Variants in AARD observed in about 807,000 individuals in gnomAD.
AARD encodes the protein alanine- and arginine-rich domain-containing protein.
Under a neutral mutation model 9.3 loss-of-function variants are expected in AARD, and 9 were observed. The observed-to-expected ratio is 0.97, with a 90% CI of 0.58 to 1.69. AARD has a LOEUF of 1.69. Among genes scored for constraint, AARD ranks in the 40% most tolerant of loss-of-function variants. The pLI is 0.00. For missense variants in AARD, 236 were observed against 210.3 expected (o/e 1.12, Z -0.76); for synonymous variants, 91 against 93.8 (o/e 0.97, Z 0.17).
Position 116,942,638 on chromosome 8 carries a change from G to C in AARD, c.405G>C (p.Glu135Asp). The C allele has an allele frequency of 1.9e-6, 3 of 1,613,984 alleles. No individual in the cohort carries two copies. Among genetic ancestry groups the C allele is most frequent in the Non-Finnish European group, 2.5e-6 (3 of 1,179,988 alleles). ...TGAAAGTGCAGCAATTGAAAAAGGA[G>C]TATGAACTGGAAATTACATCAGACT... is the stretch of plus-strand genomic sequence containing the variant. ...LNMKVQQLKK[E>D]YELEITSDSQ... The change falls in exon 2 of 2, where the codon GAG becomes GAC. Residue 135 changes from glutamate to aspartate, a missense_variant. Transcript: ENST00000378279.
chr8:116,938,505 G>A lies in AARD; in HGVS notation c.262G>A (p.Ala88Thr). 1 of 1,528,804 alleles carries A rather than the reference G, an allele frequency of 6.5e-7. No individual in the cohort carries two copies. Among genetic ancestry groups the A allele is most frequent in the Non-Finnish European group, 8.7e-7 (1 of 1,143,524 alleles). The allele number at this position is 1,528,804 out of a possible 1,614,324, so 94.7% of individuals were successfully genotyped here. Reference sequence around the variant, plus strand: ...GCAGGAGGCGGCGGCGGCGGCGGCGGCGCGGGAGGAGCAGAGCTGGACGGG... The same window carrying A: ...GCAGGAGGCGGCGGCGGCGGCGGCGACGCGGGAGGAGCAGAGCTGGACGGG... ...RVQEAAAAAA[A>T]REEQSWTGVE... Residue 88 changes from alanine (A) to threonine (T), a missense_variant, in exon 1 of 2, where the codon GCG (alanine) becomes ACG (threonine). Coordinates refer to ENST00000378279, the MANE Select transcript of AARD (RefSeq NM_001025357.3).
chr8:116,941,348 A>C (rs1813742921), intron 1 of AARD, among the ~76,000 whole-genome samples: 1 of 152,142 alleles, frequency 6.6e-6, no homozygotes. Flanking sequence ...GGACAGAAAG[A>C]GGTGAGCTTC....
intron 1 of AARD, 99 bp downstream of exon 1, chr8:116,938,666 T>TG (rs948631320): frequency 5.9e-6 from 8 of 1,364,074 alleles, no homozygotes; most frequent in East Asian, 6.0e-5. Flanking sequence ...CCCGACGCCT[T>TG]GGGGGGCCCC....
At chr8:116,940,604 G>A (rs1813734311) in intron 1 of AARD, among the ~76,000 whole-genome samples, 2 of 152,106 alleles carry the variant, frequency 1.3e-5, no homozygotes, top group Admixed American at 1.3e-4. Flanking sequence ...GATTTTTACA[G>A]GAACTGACAT....
chr8:116,938,674 C>A (rs995986299), intron 1 of AARD, 107 bp downstream of exon 1: 3 of 1,350,724 alleles, frequency 2.2e-6, no homozygotes, highest in Admixed American at 3.8e-5. Flanking sequence ...CTTGGGGGGC[C>A]CCTCAGGTCT....
chr8:116,944,149 A>G lies in AARD; in HGVS notation c.*1448A>G, dbSNP rs1254500228. The G allele has an allele frequency of 6.6e-6, 1 of 152,220 alleles. No individual in the cohort carries two copies. Among genetic ancestry groups the G allele is most frequent in the African/African-American group, 2.4e-5 (1 of 41,464 alleles). 9.4% of individuals were successfully genotyped at this position (152,220 alleles called of 1,614,324 possible). A position where few individuals can be genotyped will look rare whatever the true frequency, so the allele number is the denominator to read the frequency against. ...GTCTTTCTCTTGTTAAAAGAAATAC[A>G]AGGACAAGCATGGTGGATCACGCTT... On this transcript the variant is annotated 3_prime_UTR_variant, in exon 2 of 2. Transcript: ENST00000378279.
intron 1 of AARD, 101 bp downstream of exon 1, chr8:116,938,668 G>A (rs1306135940): frequency 2.2e-6 from 3 of 1,365,562 alleles, no homozygotes; most frequent in Non-Finnish European, 2.8e-6. Flanking sequence ...CGACGCCTTG[G>A]GGGGCCCCTC....
At chr8:116,941,066 A>T (rs1331971750) in intron 1 of AARD, among the ~76,000 whole-genome samples, 2 of 152,182 alleles carry the variant, frequency 1.3e-5, no homozygotes, top group Admixed American at 6.5e-5. Context: ...ACTCACTCTT[A>T]TAACAAACAC....
chr8:116,942,510 G>T, intron 1 of AARD, 48 bp from the exon 2 acceptor site: 1 of 1,513,184 alleles, frequency 6.6e-7, no homozygotes, highest in South Asian at 1.2e-5. Flanking sequence ...GGTTTCATTT[G>T]ATCTGCATCT....
chr8:116,944,080 A>G lies in AARD; in HGVS notation c.*1379A>G, dbSNP rs1269465671. ...ATGTAATTTTAATATTTAATAAACT[A>G]TAAAAATCAGTTCTTGAAGACAAAG... On this transcript the variant is annotated 3_prime_UTR_variant, in exon 2 of 2. Transcript: ENST00000378279. 6.6e-6 allele frequency: 1 copy of G among 152,228 alleles called. No homozygotes were observed. The highest frequency in any genetic ancestry group is 1.5e-5 in the Non-Finnish European group (1 of 68,044). 9.4% of individuals were successfully genotyped at this position (152,228 alleles called of 1,614,324 possible).
Position 116,938,454 on chromosome 8 carries a change from G to C in AARD, c.211G>C (p.Val71Leu). 1 of 1,601,566 alleles carries C rather than the reference G, an allele frequency of 6.2e-7. No individual in the cohort carries two copies. Among genetic ancestry groups the C allele is most frequent in the Non-Finnish European group, 8.5e-7 (1 of 1,174,982 alleles). ...RRLTRAFQWAVQRAISRRVQE... is the reference protein window; with the variant it reads ...RRLTRAFQWALQRAISRRVQE... ...GCTGACGCGCGCCTTCCAGTGGGCGGTGCAGCGCGCGATCTCGAGGCGCGT... is the reference window on the plus strand; with the variant it reads ...GCTGACGCGCGCCTTCCAGTGGGCGCTGCAGCGCGCGATCTCGAGGCGCGT... Residue 71 changes from valine (V) to leucine (L), a missense_variant, in exon 1 of 2, where the codon GTG becomes CTG. Physicochemically the swap from Val to Leu is conservative, Grantham distance 32. Coordinates refer to ENST00000378279, the MANE Select transcript of AARD (RefSeq NM_001025357.3).
chr8:116,942,756 T>G lies in AARD; in HGVS notation c.*55T>G, dbSNP rs2130553250. 1 of 1,567,838 alleles carries G rather than the reference T, an allele frequency of 6.4e-7. No homozygotes were observed. Among genetic ancestry groups the G allele is most frequent in the Non-Finnish European group, 8.7e-7 (1 of 1,149,986 alleles). ...TGGCTCACGCCTGTAATCCCAGCAC[T>G]TTGGGAGGCCGAGGCGGGCGGATCA... On this transcript the variant is annotated 3_prime_UTR_variant, in exon 2 of 2. Coordinates refer to ENST00000378279, the MANE Select transcript of AARD (RefSeq NM_001025357.3).
chr8:116,940,368 A>G (rs1417735263), intron 1 of AARD, among the ~76,000 whole-genome samples: 1 of 152,184 alleles, frequency 6.6e-6, no homozygotes, highest in East Asian at 1.9e-4. Flanking sequence ...TGACTGTACC[A>G]AAAAAGAACT....
rs1813783275 is a variant in AARD at position 116,944,316 on chromosome 8, CCAGCTACTCAGGAGGCTGAGG to C, written c.*1618_*1638del. On this transcript the variant is annotated 3_prime_UTR_variant, in exon 2 of 2. Transcript: ENST00000378279. ...GGCGTGGTGGTGCTCGCCTATAGTA[CCAGCTACTCAGGAGGCTGAGG>C]CATAAGAATCACTTGAACCTGGGAG... 6.6e-6 allele frequency: 1 copy of C among 152,124 alleles called. No individual in the cohort carries two copies. The highest frequency in any genetic ancestry group is 2.4e-5 in the African/African-American group (1 of 41,374). 9.4% of individuals were successfully genotyped at this position (152,124 alleles called of 1,614,324 possible). A position where few individuals can be genotyped will look rare whatever the true frequency, so the allele number is the denominator to read the frequency against.
In AARD at chr8:116,943,887, G is replaced by T. The variant is rs1349059523; in HGVS notation, c.*1186G>T. On this transcript the variant is annotated 3_prime_UTR_variant, in exon 2 of 2. Coordinates refer to ENST00000378279, the MANE Select transcript of AARD (RefSeq NM_001025357.3). ...TGTTCATAACTAATACAGTTGTTCA[G>T]TTTTAGGAGTTAAAATGGTTCTTAC... 6.6e-6 allele frequency: 1 copy of T among 152,120 alleles called. No homozygotes were observed. Among genetic ancestry groups the T allele is most frequent in the Non-Finnish European group, 1.5e-5 (1 of 68,024 alleles). 9.4% of individuals were successfully genotyped at this position (152,120 alleles called of 1,614,324 possible).
At position 116,942,695 on chromosome 8, in the gene AARD, G is replaced by A. The variant is rs547227806; in HGVS notation, c.462G>A (p.Pro154=). ...SQSPKDDAAN[P]E Reference sequence around the variant, plus strand: ...GCCCAAAAGATGATGCTGCGAATCCGGAATAAAGAAATGCACACGCAAGGG... The same window carrying A: ...GCCCAAAAGATGATGCTGCGAATCCAGAATAAAGAAATGCACACGCAAGGG... Residue 154 remains proline (P), a synonymous_variant, in exon 2 of 2, where the codon CCG becomes CCA. Transcript: ENST00000378279. 61 of 1,613,244 alleles carry A rather than the reference G, an allele frequency of 3.8e-5. No individual in the cohort carries two copies. In the East Asian group the frequency reaches 8.5e-4, roughly 22 times the overall value.
chr8:116,942,467 A>T lies in AARD; in HGVS notation c.325-91A>T, dbSNP rs1349602477. On this transcript the variant is annotated intron_variant, in intron 1 of 1. Coordinates refer to ENST00000378279, the MANE Select transcript of AARD (RefSeq NM_001025357.3). ...TTGATATCTTATTTTCTTTTCCTAC[A>T]AACTTCTTATTTCTTCTGTGTAGTC... The T allele has an allele frequency of 8.7e-6, 10 of 1,154,566 alleles. No individual in the cohort carries two copies. In the East Asian group the frequency reaches 1.6e-4, roughly 18 times the overall value. The allele number at this position is 1,154,566 out of a possible 1,614,324, so 71.5% of individuals were successfully genotyped here.
Position 116,938,224 on chromosome 8 carries a change from A to AGT in AARD, c.-18_-17dup. ...CATCTTTCAGCAGCAGCGGTAGAGC[A>AGT]GTGACCAGGCGTCTCCGCGATGGGC... is the stretch of plus-strand genomic sequence containing the variant. On this transcript the variant is annotated 5_prime_UTR_variant, in exon 1 of 2. Transcript: ENST00000378279. 6.6e-7 allele frequency: 1 copy of AGT among 1,511,586 alleles called. No individual in the cohort carries two copies. Among genetic ancestry groups the AGT allele is most frequent in the South Asian group, 1.2e-5 (1 of 84,158 alleles). The allele number at this position is 1,511,586 out of a possible 1,614,324, so 93.6% of individuals were successfully genotyped here.
chr8:116,940,168 CA>C (rs1352272607), intron 1 of AARD, among the ~76,000 whole-genome samples: 1 of 152,178 alleles, frequency 6.6e-6, no homozygotes, highest in East Asian at 1.9e-4. Context: ...GTTCTGCTAA[CA>C]CTTGTTGGCC....
Sources: gnomAD v4.1 joint callset for allele counts (sites outside exome capture counted in the v4.1 genomes callset) on GRCh38, gnomAD v4.1.1 for gene constraint, MANE v1.5 for transcripts, NCBI Gene and HGNC (gene_info 2026-07-23, HGNC 2026-07-21) for gene names.